UNC13B: variants seen among roughly 807,000 people sequenced by gnomAD.
UNC13B encodes the protein unc-13 homolog B.
A neutral mutation model predicts 211.0 loss-of-function variants in UNC13B; 144 were observed. That is an observed-to-expected ratio of 0.68 (90% CI 0.60 to 0.78). The LOEUF (loss-of-function observed/expected upper bound fraction) is 0.78. Ranked by LOEUF, UNC13B falls within the 30% of genes least tolerant of loss-of-function variation. The probability of loss-of-function intolerance (pLI) is 0.00; values close to 1 mark genes in which losing one functional copy is unlikely to be tolerated. For synonymous variants in UNC13B, 709 were observed against 725.8 expected, an observed-to-expected ratio of 0.98 and a Z score of 0.37; for missense variants, 1,777 against 2,002.0, an observed-to-expected ratio of 0.89 and a Z score of 2.14.
At chr9:35,220,256 A>G (rs1018307466) in intron 1 of UNC13B, among the ~76,000 whole-genome samples, 5 of 150,902 alleles carry the variant, frequency 3.3e-5, no homozygotes, top group Admixed American at 1.3e-4. Flanking sequence ...TGGGGTATCT[A>G]TCACCTCAAC....
At position 35,310,715 on chromosome 9, in the gene UNC13B, A is replaced by T. The variant is rs764020791; in HGVS notation, c.9257A>T (p.Asp3086Val). ...AACEPKEMKE[D>V]ATTHPPPDLV... ...TGTGAACCCAAGGAGATGAAAGAAGATGCCACAACCCACCCTCCCCCAGAT... is the reference window on the plus strand; with the variant it reads ...TGTGAACCCAAGGAGATGAAAGAAGTTGCCACAACCCACCCTCCCCCAGAT... Residue 3086 changes from aspartate to valine, a missense_variant, in exon 10 of 40, where the codon GAT becomes GTT. By Grantham distance (152) the Asp-to-Val change is radical. Coordinates refer to ENST00000635942, the MANE Select transcript of UNC13B (RefSeq NM_001371189.2). The T allele has an allele frequency of 6.2e-7, 1 of 1,614,048 alleles. No individual in the cohort carries two copies. Among genetic ancestry groups the T allele is most frequent in the Admixed American group, 1.7e-5 (1 of 59,992 alleles).
In UNC13B at chr9:35,396,493, C is replaced by T. The variant is rs1180899678; in HGVS notation, c.11326C>T (p.Leu3776=). The stretch of plus-strand genomic sequence containing the variant: ...ACCACTAGAGCATGAGAAAGACCAC[C>T]TGTGTAAAAGTGCTGACTACATGAA... ...YALEEHEKDH[L]CKSADYMNLH... is the part of the protein sequence containing the mutation. The change falls in exon 27 of 40, where the codon CTG becomes TTG. Residue 3776 remains leucine (L), a synonymous_variant. Coordinates refer to ENST00000635942, the MANE Select transcript of UNC13B (RefSeq NM_001371189.2). 1.9e-6 allele frequency: 3 copies of T among 1,614,050 alleles called. No homozygotes were observed. The highest frequency in any genetic ancestry group is 1.7e-5 in the Admixed American group (1 of 60,002).
At position 35,303,259 on chromosome 9, in the gene UNC13B, C is replaced by A; in HGVS notation, c.3855C>A (p.Pro1285=). 1 of 398,476 alleles carries A rather than the reference C, an allele frequency of 2.5e-6. No individual in the cohort carries two copies. The allele number at this position is 398,476 out of a possible 1,614,324, so 24.7% of individuals were successfully genotyped here. A position where few individuals can be genotyped will look rare whatever the true frequency, so the allele number is the denominator to read the frequency against. Residue 1285 remains proline, a synonymous_variant, in exon 9 of 40, where the codon CCC becomes CCA. Coordinates refer to ENST00000635942, the MANE Select transcript of UNC13B (RefSeq NM_001371189.2). The part of the protein sequence containing the change: ...EKNQQSEKHH[P]SSENIVLHCA... Reference sequence around the variant, plus strand: ...ACCAGCAAAGTGAAAAGCATCACCCCTCCTCTGAGAACATTGTACTTCACT... The same window carrying A: ...ACCAGCAAAGTGAAAAGCATCACCCATCCTCTGAGAACATTGTACTTCACT...
chr9:35,227,492 T>C (rs1824916266), intron 1 of UNC13B, among the ~76,000 whole-genome samples: 1 of 152,228 alleles, frequency 6.6e-6, no homozygotes, highest in Non-Finnish European at 1.5e-5. Context: ...GTGGGATTCT[T>C]TCCTGTGTAG....
Position 35,304,303 on chromosome 9 carries a change from A to G in UNC13B, c.4899A>G (p.Val1633=). 2.5e-6 allele frequency: 1 copy of G among 398,768 alleles called. No individual in the cohort carries two copies. The highest frequency in any genetic ancestry group is 3.6e-5 in the East Asian group (1 of 28,052). 24.7% of individuals were successfully genotyped at this position (398,768 alleles called of 1,614,324 possible). ...TAAATTTAGAAACCTTTTCACAAGT[A>G]CTTAAAGAGTCAAGTTGTGACCAAA... The part of the protein sequence containing the change: ...LYLNLETFSQ[V]LKESSCDQSD... The change falls in exon 9 of 40, where the codon GTA becomes GTG. Residue 1633 remains valine (V), a synonymous_variant. Coordinates refer to ENST00000635942, the MANE Select transcript of UNC13B (RefSeq NM_001371189.2).
rs1046161362 is a variant in UNC13B at position 35,384,269 on chromosome 9, G to A, written c.10830G>A (p.Leu3610=). 1 of 1,613,994 alleles carries A rather than the reference G, an allele frequency of 6.2e-7. No homozygotes were observed. The highest frequency in any genetic ancestry group is 8.5e-7 in the Non-Finnish European group (1 of 1,179,928). Reference sequence around the variant, plus strand: ...AGAAAGAGAGATTTGTAAAACTGCTGGACCAGCTACACAACTCACTGAGGA... The same window carrying A: ...AGAAAGAGAGATTTGTAAAACTGCTAGACCAGCTACACAACTCACTGAGGA... The part of the protein sequence containing the change: ...NFGKERFVKL[L]DQLHNSLRID... Residue 3610 remains leucine (L), a synonymous_variant, in exon 22 of 40, where the codon CTG becomes CTA. Transcript: ENST00000635942.
rs546000610 is a variant in UNC13B, at chr9:35,289,869, T to C, written c.527-5827T>C. Among the ~76,000 whole-genome samples, 54 of 152,092 alleles carry C rather than the reference T, an allele frequency of 3.6e-4. 1 individual carries two copies. The highest frequency in any genetic ancestry group is 1.2e-3 in the African/African-American group (49 of 41,476). On this transcript the variant is annotated intron_variant, in intron 7 of 39. Coordinates refer to ENST00000635942, the MANE Select transcript of UNC13B (RefSeq NM_001371189.2). ...GTAGGCGCCTGTAATCCCAGCTTCT[T>C]GGGAGCCTGAGGCATGAGAATCACT...
intron 6 of UNC13B, among the ~76,000 whole-genome samples, chr9:35,244,276 C>T (rs188319354): frequency 6.6e-6 from 1 of 152,220 alleles, no homozygotes; most frequent in Admixed American, 6.5e-5. Context: ...GACAGTATCA[C>T]ATGTTAAATC....
chr9:35,237,670 A>T, intron 4 of UNC13B, 33 bp from the exon 5 acceptor site: 1 of 1,604,080 alleles, frequency 6.2e-7, no homozygotes. Context: ...GCCAAGAAAG[A>T]TTAAACTTTA....
chr9:35,326,756 A>G (rs969588789), intron 11 of UNC13B, among the ~76,000 whole-genome samples: 1 of 152,238 alleles, frequency 6.6e-6, no homozygotes, highest in Non-Finnish European at 1.5e-5. Context: ...AATTATAACC[A>G]TATACTGTAA....
intron 11 of UNC13B, chr9:35,353,490 G>A: frequency 1.6e-6 from 2 of 1,232,236 alleles, no homozygotes. Flanking sequence ...AGCTTGCTCA[G>A]TGTGGTCTCT....
Position 35,386,217 on chromosome 9 carries a change from T to A in UNC13B, c.11018T>A (p.Val3673Glu). The change falls in exon 24 of 40, where the codon GTG (valine) becomes GAG (glutamate). Residue 3673 changes from valine to glutamate, a missense_variant. Physicochemically the swap from Val to Glu is moderately radical, Grantham distance 121 (BLOSUM62 -2). Transcript: ENST00000635942. ...GCCAGCCAGGTGGTAAAGGATTGTG[T>A]GAAGGCCTGTTTGAACTCCACATAT... ...PRASQVVKDCVKACLNSTYEY... is the reference protein window; with the variant it reads ...PRASQVVKDCEKACLNSTYEY... 6.2e-7 allele frequency: 1 copy of A among 1,614,168 alleles called. No individual in the cohort carries two copies. The highest frequency in any genetic ancestry group is 1.1e-5 in the South Asian group (1 of 91,084).
At chr9:35,189,711 C>T (rs1822548094) in intron 1 of UNC13B, among the ~76,000 whole-genome samples, 1 of 152,140 alleles carries the variant, frequency 6.6e-6, no homozygotes, top group African/African-American at 2.4e-5. Context: ...CTCTTGTTGT[C>T]CAGGCTGGAG....
At chr9:35,310,295 C>T (rs1185874976) in intron 9 of UNC13B, among the ~76,000 whole-genome samples, 172 bp from the exon 10 acceptor site, 7 of 152,162 alleles carry the variant, frequency 4.6e-5, no homozygotes, top group African/African-American at 1.2e-4. Context: ...GTTGTGTTTT[C>T]GCTGAATAGA....
intron 1 of UNC13B, among the ~76,000 whole-genome samples, chr9:35,193,223 G>C (rs1438352216): frequency 6.6e-6 from 1 of 152,154 alleles, no homozygotes; most frequent in African/African-American, 2.4e-5. Flanking sequence ...GTGCTGGTTT[G>C]AGCTCTATAT....
intron 11 of UNC13B, among the ~76,000 whole-genome samples, chr9:35,337,252 G>A (rs189061078): frequency 1.2e-3 from 189 of 152,296 alleles, no homozygotes; most frequent in Non-Finnish European, 2.4e-3. Flanking sequence ...TAGGGAGAAT[G>A]AATATTTTGC....
chr9:35,396,440 G>T (rs1361206571), intron 26 of UNC13B, 36 bp from the exon 27 acceptor site: 3 of 1,613,050 alleles, frequency 1.9e-6, no homozygotes, highest in Non-Finnish European at 2.5e-6. Flanking sequence ...GGCCTCTACT[G>T]CTGGGACCTG....
intron 1 of UNC13B, among the ~76,000 whole-genome samples, chr9:35,220,843 C>T (rs965133392): frequency 7.9e-5 from 12 of 152,126 alleles, no homozygotes; most frequent in Non-Finnish European, 1.8e-4. Flanking sequence ...AAACTGTTCT[C>T]TATAGTGACT....
chr9:35,381,053 C>A, intron 18 of UNC13B, 47 bp from the exon 19 acceptor site: 1 of 1,548,982 alleles, frequency 6.5e-7, no homozygotes, highest in Non-Finnish European at 8.9e-7. Context: ...ACTATCTATG[C>A]TGTCTAGTTG....
Sources: gnomAD v4.1 joint callset for allele counts (sites outside exome capture counted in the v4.1 genomes callset) on GRCh38, gnomAD v4.1.1 for gene constraint, MANE v1.5 for transcripts, NCBI Gene and HGNC (gene_info 2026-07-23, HGNC 2026-07-21) for gene names.